CACNA2D1: variants seen among roughly 807,000 people sequenced by gnomAD.
CACNA2D1 encodes voltage-dependent calcium channel subunit alpha-2/delta-1.
A neutral mutation model predicts 171.5 loss-of-function variants in CACNA2D1; 53 were observed. The ratio of observed to expected loss-of-function variants is 0.31; its 90% CI spans 0.25 to 0.39. The LOEUF is 0.39. Ranked by LOEUF, CACNA2D1 falls within the 10% of genes least tolerant of loss-of-function variation. The pLI is 1.00. For synonymous variants in CACNA2D1, 442 were observed against 443.1 expected, an observed-to-expected ratio of 1.00 and a Z score of 0.03; for missense variants, 903 against 1,299.8, an observed-to-expected ratio of 0.69 and a Z score of 4.69.
chr7:82,332,508 T>TTAAAGAA (rs1554514790), intron 3 of CACNA2D1, among the ~76,000 whole-genome samples: 1 of 34,602 alleles, frequency 2.9e-5, no homozygotes, highest in Admixed American at 3.5e-4. Flanking sequence ...AAAAAAGAAA[T>TTAAAGAA]ATAAAGAAAG....
chr7:82,033,802 G>C (rs1426394106), intron 11 of CACNA2D1, among the ~76,000 whole-genome samples: 1 of 152,034 alleles, frequency 6.6e-6, no homozygotes, highest in Non-Finnish European at 1.5e-5. Flanking sequence ...GGACTTCTCC[G>C]AGGTCCAAAA....
chr7:81,996,019 A>G (rs978368725), intron 19 of CACNA2D1, among the ~76,000 whole-genome samples: 14 of 152,130 alleles, frequency 9.2e-5, no homozygotes, highest in African/African-American at 2.9e-4. Context: ...ATTTAGTTCA[A>G]ATATTTGGGT....
chr7:81,991,384 T>C (rs139937553), intron 20 of CACNA2D1, 138 bp from the exon 21 acceptor site: 1 of 521,006 alleles, frequency 1.9e-6, no homozygotes, highest in Non-Finnish European at 3.4e-6. Flanking sequence ...TATTTTATTC[T>C]ATATTTATTT....
chr7:82,083,908 G>C (rs978323017), intron 7 of CACNA2D1, among the ~76,000 whole-genome samples: 1 of 151,926 alleles, frequency 6.6e-6, no homozygotes, highest in Non-Finnish European at 1.5e-5. Flanking sequence ...ACATGTTTAG[G>C]ACACCCAAGT....
intron 3 of CACNA2D1, among the ~76,000 whole-genome samples, chr7:82,223,391 G>T (rs11514982): frequency 0.27 from 40,382 of 152,036 alleles, 6,606 homozygotes; most frequent in Non-Finnish European, 0.37. Context: ...CACTAGGGTT[G>T]AAATTAAACA....
At chr7:82,346,163 A>G (rs1426366701) in intron 2 of CACNA2D1, among the ~76,000 whole-genome samples, 1 of 152,186 alleles carries the variant, frequency 6.6e-6, no homozygotes, top group Non-Finnish European at 1.5e-5. Flanking sequence ...CCAGGCATGG[A>G]AGCCCCATGC....
At chr7:81,988,522 G>C (rs1359710427) in intron 21 of CACNA2D1, among the ~76,000 whole-genome samples, 1 of 152,114 alleles carries the variant, frequency 6.6e-6, no homozygotes, top group South Asian at 2.1e-4. Context: ...TCCCATAAAA[G>C]CTTATGTGTA....
intron 4 of CACNA2D1, among the ~76,000 whole-genome samples, chr7:82,141,505 T>C (rs1485466741): frequency 1.3e-5 from 2 of 152,092 alleles, no homozygotes; most frequent in African/African-American, 4.8e-5. Flanking sequence ...TACAGGGAGA[T>C]TTTGGGGTTT....
chr7:82,098,782 T>C (rs1228529637), intron 6 of CACNA2D1, among the ~76,000 whole-genome samples: 1 of 152,176 alleles, frequency 6.6e-6, no homozygotes, highest in Non-Finnish European at 1.5e-5. Context: ...CTGAAATGAT[T>C]TAAAACTGCA....
chr7:82,383,008 T>TCTA (rs1823882602), intron 1 of CACNA2D1, among the ~76,000 whole-genome samples: 1 of 152,228 alleles, frequency 6.6e-6, no homozygotes, highest in Non-Finnish European at 1.5e-5. Context: ...TGTGATTTCT[T>TCTA]CTAAATCTTC....
intron 3 of CACNA2D1, 66 bp from the exon 4 acceptor site, chr7:82,170,675 G>A: frequency 1.4e-6 from 2 of 1,405,000 alleles, no homozygotes; most frequent in Non-Finnish European, 2.0e-6. Context: ...TATATAAAAT[G>A]CTTGCGCTTT....
chr7:82,397,771 C>T (rs1020591161), intron 1 of CACNA2D1, among the ~76,000 whole-genome samples: 2 of 152,148 alleles, frequency 1.3e-5, no homozygotes, highest in African/African-American at 2.4e-5. Context: ...CTGTGATAGG[C>T]GCTGTTATAA....
intron 3 of CACNA2D1, among the ~76,000 whole-genome samples, chr7:82,216,184 G>A (rs956028627): frequency 6.6e-6 from 1 of 152,112 alleles, no homozygotes; most frequent in African/African-American, 2.4e-5. Flanking sequence ...TAAGCCTGTG[G>A]TAGAAATAAT....
chr7:82,095,263 G>A (rs1016427898), intron 6 of CACNA2D1, among the ~76,000 whole-genome samples: 1 of 151,728 alleles, frequency 6.6e-6, no homozygotes, highest in Non-Finnish European at 1.5e-5. Context: ...GGTGTTCCTC[G>A]ATTTTCCCCA....
chr7:82,089,083 G>A (rs1221391532), intron 6 of CACNA2D1, among the ~76,000 whole-genome samples: 1 of 152,150 alleles, frequency 6.6e-6, no homozygotes, highest in Non-Finnish European at 1.5e-5. Context: ...CCGGTCCATG[G>A]CCCAGGGGCT....
chr7:82,140,736 A>C (rs1011188540), intron 4 of CACNA2D1, among the ~76,000 whole-genome samples: 1 of 151,994 alleles, frequency 6.6e-6, no homozygotes, highest in Non-Finnish European at 1.5e-5. Flanking sequence ...CGGGTGGATC[A>C]CAAGGTCTGG....
chr7:82,406,473 C>T (rs563166104), intron 1 of CACNA2D1, among the ~76,000 whole-genome samples: 1 of 152,320 alleles, frequency 6.6e-6, no homozygotes, highest in East Asian at 1.9e-4. Context: ...GCCACACTGT[C>T]TTCCACAATG....
intron 1 of CACNA2D1, among the ~76,000 whole-genome samples, chr7:82,356,710 G>GA (rs1263289337): frequency 6.6e-6 from 1 of 151,220 alleles, no homozygotes; most frequent in African/African-American, 2.4e-5. Context: ...GTATCTCTCC[G>GA]TAATCCACAT....
chr7:81,954,379 G>T (rs1450909263), intron 38 of CACNA2D1, among the ~76,000 whole-genome samples: 1 of 151,786 alleles, frequency 6.6e-6, no homozygotes, highest in Non-Finnish European at 1.5e-5. Flanking sequence ...TCCCTTAAAA[G>T]ACTGTGTTAT....
Sources: allele counts gnomAD v4.1 joint callset (sites outside exome capture counted in the v4.1 genomes callset), GRCh38; gene constraint gnomAD v4.1.1; transcripts MANE v1.5; gene names NCBI Gene and HGNC (gene_info 2026-07-23, HGNC 2026-07-21).